The following CTNNA2 variants were observed in gnomAD, a reference collection of about 807,000 sequenced individuals.
CTNNA2 encodes the protein catenin alpha 2, also known as catenin alpha-2.
Under a neutral mutation model 101.0 loss-of-function variants are expected in CTNNA2, and 42 were observed. The observed-to-expected ratio is 0.42, with a 90% CI of 0.32 to 0.54. The LOEUF is 0.54. CTNNA2 is among the 20% of genes least tolerant of loss of function. The probability of loss-of-function intolerance (pLI) is 0.14; values close to 1 mark genes in which losing one functional copy is unlikely to be tolerated. For missense variants in CTNNA2, 871 were observed against 1,223.1 expected (o/e 0.71, Z 4.29); for synonymous variants, 450 against 456.4 (o/e 0.99, Z 0.18).
chr2:79,999,550 A>T (rs1414326058), intron 7 of CTNNA2, among the ~76,000 whole-genome samples: 4 of 152,000 alleles, frequency 2.6e-5, no homozygotes, highest in African/African-American at 7.3e-5. Context: ...CCCACATTTC[A>T]CAAGCCTAGA....
intron 7 of CTNNA2, among the ~76,000 whole-genome samples, chr2:80,269,408 C>T (rs1190373966): frequency 6.6e-6 from 1 of 152,140 alleles, no homozygotes; most frequent in African/African-American, 2.4e-5. Context: ...TGAGGCCTCC[C>T]CAGCCCTTCA....
intron 15 of CTNNA2, among the ~76,000 whole-genome samples, chr2:80,591,872 T>C (rs1434181867): frequency 6.6e-6 from 1 of 152,204 alleles, no homozygotes; most frequent in Non-Finnish European, 1.5e-5. Flanking sequence ...AACTTCTTCA[T>C]GGAAGATAAA....
At chr2:79,819,093 C>T (rs1677806472) in intron 3 of CTNNA2, among the ~76,000 whole-genome samples, 1 of 151,558 alleles carries the variant, frequency 6.6e-6, no homozygotes, top group South Asian at 2.1e-4. Context: ...GATTTTCCTG[C>T]CTCAGCCTCC....
In CTNNA2 at chr2:80,124,255, T is replaced by C. The variant is rs185904713; in HGVS notation, c.1056+214458T>C. Among the ~76,000 whole-genome samples the C allele has an allele frequency of 2.0e-5, 3 of 152,306 alleles. No homozygotes were observed. In the East Asian group the frequency reaches 5.8e-4, roughly 29 times the overall value. On this transcript the variant is annotated intron_variant, in intron 7 of 18. Coordinates refer to ENST00000402739, the MANE Select transcript of CTNNA2 (RefSeq NM_001282597.3). ...TTTCCATATTTACCGATGTCTGCCCTGCATTTCTGATTGAAGTTATGCAGA... is the reference window on the plus strand; with the variant it reads ...TTTCCATATTTACCGATGTCTGCCCCGCATTTCTGATTGAAGTTATGCAGA...
chr2:79,202,713 G>T (rs915780948), intron 2 of CTNNA2, among the ~76,000 whole-genome samples: 1 of 146,782 alleles, frequency 6.8e-6, no homozygotes, highest in African/African-American at 2.6e-5. Context: ...GGGGTGGAAG[G>T]GCTTATGGTT....
intron 3 of CTNNA2, among the ~76,000 whole-genome samples, chr2:79,846,849 C>G (rs1680266970): frequency 6.6e-6 from 1 of 152,162 alleles, no homozygotes; most frequent in South Asian, 2.1e-4. Context: ...CTCAGAGTAA[C>G]TTGTGACTGT....
rs1329122111 is a variant in CTNNA2 at position 79,278,443 on chromosome 2, GC to G, written c.-405-34265del. Reference sequence around the variant, plus strand: ...GGGGCATTATTGTATTGTAGGGACAGCAAAAGCATAGCTTCAGGCCAGCAAG... The same window carrying G: ...GGGGCATTATTGTATTGTAGGGACAGAAAAGCATAGCTTCAGGCCAGCAAG... On this transcript the variant is annotated intron_variant, in intron 2 of 21. Transcript: ENST00000466387. Among the ~76,000 whole-genome samples, 19 of 152,064 alleles carry G rather than the reference GC, an allele frequency of 1.2e-4. No individual in the cohort carries two copies. The East Asian group carries it at 3.1e-3, about 25-fold the overall frequency.
At chr2:80,401,719 A>G (rs1678565972) in intron 8 of CTNNA2, among the ~76,000 whole-genome samples, 2 of 151,952 alleles carry the variant, frequency 1.3e-5, no homozygotes, top group Admixed American at 6.6e-5. Flanking sequence ...CTTGGCCTCT[A>G]TTAGACCTTT....
intron 7 of CTNNA2, among the ~76,000 whole-genome samples, chr2:80,123,688 A>C (rs1017658488): frequency 1.3e-5 from 2 of 152,142 alleles, no homozygotes; most frequent in Non-Finnish European, 2.9e-5. Flanking sequence ...AAATGTACTT[A>C]TAATAGGTCT....
chr2:80,487,344 A>T (rs1686676004), intron 9 of CTNNA2, among the ~76,000 whole-genome samples: 1 of 151,926 alleles, frequency 6.6e-6, no homozygotes, highest in African/African-American at 2.4e-5. Flanking sequence ...GTAGTAGTCC[A>T]TTCTCATGCT....
At chr2:79,498,257 G>C (rs533781776) in intron 4 of CTNNA2, 1 of 152,310 alleles carries the variant, frequency 6.6e-6, no homozygotes, top group East Asian at 1.9e-4. Context: ...CATTGAAAAT[G>C]GACATGGAAG....
At chr2:79,551,991 C>T (rs760412002) in intron 1 of CTNNA2, among the ~76,000 whole-genome samples, 1 of 152,118 alleles carries the variant, frequency 6.6e-6, no homozygotes, top group Non-Finnish European at 1.5e-5. Context: ...CTGGCCCCTC[C>T]CAAATCTTAT....
intron 7 of CTNNA2, among the ~76,000 whole-genome samples, chr2:80,081,629 CT>C (rs1278541751): frequency 6.6e-6 from 1 of 151,630 alleles, no homozygotes; most frequent in Non-Finnish European, 1.5e-5. Context: ...CCTGGAGAAA[CT>C]TTATTTTCCC....
chr2:79,704,005 G>A (rs1249960923), intron 2 of CTNNA2, among the ~76,000 whole-genome samples: 2 of 151,956 alleles, frequency 1.3e-5, no homozygotes, highest in Non-Finnish European at 2.9e-5. Context: ...TTACTAGAAA[G>A]TTGGCATATA....
intron 18 of CTNNA2, among the ~76,000 whole-genome samples, chr2:80,636,469 C>T (rs1416682677): frequency 1.3e-5 from 2 of 152,080 alleles, no homozygotes; most frequent in East Asian, 3.9e-4. Context: ...GTTTGGTAGG[C>T]ACTTCCAAAC....
chr2:79,768,459 A>G (rs999118472), intron 3 of CTNNA2, among the ~76,000 whole-genome samples: 1 of 151,460 alleles, frequency 6.6e-6, no homozygotes, highest in African/African-American at 2.4e-5. Context: ...ATAGTTGTTA[A>G]ATTGGTATCC....
intron 2 of CTNNA2, among the ~76,000 whole-genome samples, chr2:79,259,160 C>T (rs1230908755): frequency 6.6e-6 from 1 of 152,108 alleles, no homozygotes; most frequent in Non-Finnish European, 1.5e-5. Flanking sequence ...GCTATTTGTA[C>T]TTGACTGACT....
intron 2 of CTNNA2, among the ~76,000 whole-genome samples, chr2:79,731,280 A>G (rs1186732190): frequency 2.0e-5 from 3 of 152,082 alleles, no homozygotes; most frequent in Non-Finnish European, 4.4e-5. Flanking sequence ...GATGATTTTG[A>G]TGATTTTTCA....
chr2:79,477,762 G>T (rs950779952), intron 4 of CTNNA2, among the ~76,000 whole-genome samples: 1 of 152,142 alleles, frequency 6.6e-6, no homozygotes, highest in Non-Finnish European at 1.5e-5. Context: ...ACACGGAAAA[G>T]GAACAGAATA....
Sources: gnomAD v4.1 joint callset for allele counts (sites outside exome capture counted in the v4.1 genomes callset) on GRCh38, gnomAD v4.1.1 for gene constraint, MANE v1.5 for transcripts, NCBI Gene and HGNC (gene_info 2026-07-23, HGNC 2026-07-21) for gene names.